THADA: variants seen among roughly 807,000 people sequenced by gnomAD.
THADA encodes THADA armadillo repeat containing.
Under a neutral mutation model 219.8 loss-of-function variants are expected in THADA, and 213 were observed. The observed-to-expected ratio is 0.97, with a 90% CI of 0.87 to 1.09. The LOEUF is 1.09. Among genes scored for constraint, THADA ranks in the 50% least tolerant of loss-of-function variants. The pLI is 0.00. For missense variants in THADA, 2,956 were observed against 2,311.3 expected (o/e 1.28, Z -5.72); for synonymous variants, 1,018 against 828.9 (o/e 1.23, Z -3.92).
At chr2:43,274,013 T>C (rs1010498711) in intron 36 of THADA, among the ~76,000 whole-genome samples, 16 of 152,246 alleles carry the variant, frequency 1.1e-4, no homozygotes, top group African/African-American at 3.9e-4. Flanking sequence ...CCTCTGAGTC[T>C]CATTTTTCTA....
chr2:43,497,437 C>A (rs1418461878), intron 25 of THADA, among the ~76,000 whole-genome samples: 1 of 152,140 alleles, frequency 6.6e-6, no homozygotes, highest in African/African-American at 2.4e-5. Flanking sequence ...AACACAGGAA[C>A]AGAAAACCAA....
chr2:43,275,553 G>A (rs770439877), intron 36 of THADA, among the ~76,000 whole-genome samples: 20 of 152,280 alleles, frequency 1.3e-4, no homozygotes, highest in African/African-American at 4.6e-4. Flanking sequence ...GGGACCTCCT[G>A]ATCTAGCCAT....
chr2:43,389,403 T>G (rs1269181472), intron 29 of THADA, among the ~76,000 whole-genome samples: 1 of 152,222 alleles, frequency 6.6e-6, no homozygotes, highest in East Asian at 1.9e-4. Context: ...GGGGACCACT[T>G]GAGCCTAGGA....
intron 26 of THADA, chr2:43,463,252 C>T (rs1277902744): frequency 6.6e-6 from 1 of 152,186 alleles, no homozygotes; most frequent in East Asian, 1.9e-4. Flanking sequence ...CTCCCCATAC[C>T]TGATTACACA....
chr2:43,550,743 T>G (rs1259816850), intron 19 of THADA, among the ~76,000 whole-genome samples: 1 of 152,214 alleles, frequency 6.6e-6, no homozygotes, highest in Non-Finnish European at 1.5e-5. Flanking sequence ...CCAGAATATA[T>G]GGGTACTTTG....
intron 26 of THADA, among the ~76,000 whole-genome samples, chr2:43,481,595 A>T (rs1285125860): frequency 6.6e-6 from 1 of 152,162 alleles, no homozygotes; most frequent in East Asian, 1.9e-4. Flanking sequence ...CTCACATCAC[A>T]TTGTACAGGT....
chr2:43,454,629 ACT>A (rs372631502), intron 26 of THADA, among the ~76,000 whole-genome samples: 1 of 146,618 alleles, frequency 6.8e-6, no homozygotes, highest in East Asian at 2.1e-4. Context: ...ACACACACAC[ACT>A]AAATTACACA....
intron 29 of THADA, among the ~76,000 whole-genome samples, chr2:43,352,219 G>C (rs1421966598): frequency 6.6e-6 from 1 of 152,172 alleles, no homozygotes; most frequent in East Asian, 1.9e-4. Flanking sequence ...CTGAAAGAGA[G>C]AGTATCAAGA....
intron 31 of THADA, among the ~76,000 whole-genome samples, chr2:43,295,556 A>T (rs1378210234): frequency 6.6e-6 from 1 of 152,236 alleles, no homozygotes; most frequent in African/African-American, 2.4e-5. Flanking sequence ...TGTACCCAAG[A>T]TGTTAACAAG....
chr2:43,583,780 C>T (rs1038406642), intron 7 of THADA, among the ~76,000 whole-genome samples: 2 of 152,190 alleles, frequency 1.3e-5, no homozygotes, highest in East Asian at 3.9e-4. Context: ...CTCGAAAACA[C>T]GCCTGTAATC....
chr2:43,365,160 G>T (rs7600754), intron 29 of THADA, among the ~76,000 whole-genome samples: 1 of 151,880 alleles, frequency 6.6e-6, no homozygotes, highest in Non-Finnish European at 1.5e-5. Flanking sequence ...CCTGACCTCA[G>T]GTGATCCACC....
intron 29 of THADA, among the ~76,000 whole-genome samples, chr2:43,369,091 C>T (rs950182345): frequency 6.6e-6 from 1 of 152,204 alleles, no homozygotes; most frequent in African/African-American, 2.4e-5. Flanking sequence ...TCTCTGCCCT[C>T]GTTTCCCACA....
intron 29 of THADA, among the ~76,000 whole-genome samples, chr2:43,396,815 A>G (rs1674101653): frequency 1.3e-5 from 2 of 152,152 alleles, no homozygotes; most frequent in Non-Finnish European, 2.9e-5. Flanking sequence ...TGTCTCAAAA[A>G]AAAAGAAGAA....
At chr2:43,584,739 G>A (rs1700829028) in intron 7 of THADA, among the ~76,000 whole-genome samples, 3 of 152,188 alleles carry the variant, frequency 2.0e-5, no homozygotes, top group African/African-American at 7.2e-5. Flanking sequence ...GAAGCCATTT[G>A]ATTTGTAGTC....
intron 21 of THADA, among the ~76,000 whole-genome samples, chr2:43,537,548 G>A (rs1198709689): frequency 5.9e-5 from 9 of 152,106 alleles, no homozygotes; most frequent in Admixed American, 2.6e-4. Context: ...TAAGACTTGT[G>A]AATAAACATA....
intron 28 of THADA, among the ~76,000 whole-genome samples, chr2:43,398,522 G>T (rs577625847): frequency 2.6e-5 from 4 of 152,292 alleles, no homozygotes; most frequent in Admixed American, 2.6e-4. Flanking sequence ...CCCATACTTT[G>T]GTTGGCCAGA....
Position 43,508,418 on chromosome 2 carries a change from C to A in THADA, c.3507+230G>T, listed in dbSNP as rs578161585. 3.3e-5 allele frequency among the ~76,000 whole-genome samples: 5 copies of A among 152,204 alleles called. No homozygotes were observed. In the South Asian group the frequency reaches 1.0e-3, roughly 32 times the overall value. ...AATACACAGACAGAAATTTATACCA[C>A]CCTCTGTTTATATTACAAGATTGAC... On this transcript the variant is annotated intron_variant, in intron 23 of 37. Coordinates refer to ENST00000405975, the MANE Select transcript of THADA (RefSeq NM_022065.5).
At chr2:43,480,646 T>C (rs954157626) in intron 26 of THADA, among the ~76,000 whole-genome samples, 1 of 145,112 alleles carries the variant, frequency 6.9e-6, no homozygotes, top group African/African-American at 2.5e-5. Flanking sequence ...CCATTTCTAC[T>C]AAAAAAAAAA....
intron 36 of THADA, 50 bp downstream of exon 36, chr2:43,279,715 A>T: frequency 6.6e-7 from 1 of 1,516,114 alleles, no homozygotes; most frequent in Non-Finnish European, 8.8e-7. Flanking sequence ...AAGTGTTCCA[A>T]CCTCTATCCT....
Sources: allele counts gnomAD v4.1 joint callset (sites outside exome capture counted in the v4.1 genomes callset), GRCh38; gene constraint gnomAD v4.1.1; transcripts MANE v1.5; gene names NCBI Gene and HGNC (gene_info 2026-07-23, HGNC 2026-07-21).